CELF4: variants seen among roughly 807,000 people sequenced by gnomAD.
CELF4 encodes CUGBP Elav-like family member 4.
In CELF4, 18 loss-of-function variants were observed where a neutral mutation model predicts 59.9. The observed-to-expected ratio is 0.30, with a 90% CI of 0.21 to 0.45. The LOEUF (loss-of-function observed/expected upper bound fraction) is 0.45, where lower values mean the gene tolerates loss of function less well. Among genes scored for constraint, CELF4 ranks in the 20% least tolerant of loss-of-function variants. The pLI is 1.00. For synonymous variants in CELF4, 261 were observed against 267.1 expected (o/e 0.98, Z 0.22); for missense variants, 456 against 689.0 (o/e 0.66, Z 3.79).
At chr18:37,417,900 T>C (rs766860044) in intron 2 of CELF4, among the ~76,000 whole-genome samples, 9 of 152,182 alleles carry the variant, frequency 5.9e-5, no homozygotes, top group Non-Finnish European at 1.3e-4. Flanking sequence ...TAATGAGTCA[T>C]GTGATTGATA....
At chr18:37,386,944 A>T (rs976232312) in intron 2 of CELF4, among the ~76,000 whole-genome samples, 3 of 152,224 alleles carry the variant, frequency 2.0e-5, no homozygotes, top group Non-Finnish European at 4.4e-5. Context: ...CCTGAAGAAG[A>T]AGCCACTGGC....
At chr18:37,430,259 G>T (rs190531817) in intron 2 of CELF4, among the ~76,000 whole-genome samples, 2 of 152,312 alleles carry the variant, frequency 1.3e-5, no homozygotes, top group Non-Finnish European at 2.9e-5. Context: ...GTCAATGCTG[G>T]TGGAATTGCA....
chr18:37,378,970 A>C (rs911551058), intron 2 of CELF4, among the ~76,000 whole-genome samples: 1 of 152,166 alleles, frequency 6.6e-6, no homozygotes, highest in Non-Finnish European at 1.5e-5. Context: ...CCTTCACCAG[A>C]AGGTCTCCCA....
intron 2 of CELF4, among the ~76,000 whole-genome samples, chr18:37,364,075 A>G (rs560620379): frequency 6.6e-6 from 1 of 152,302 alleles, no homozygotes; most frequent in Admixed American, 6.5e-5. Context: ...TCTTTGTTCT[A>G]TGCAATACCT....
intron 2 of CELF4, among the ~76,000 whole-genome samples, chr18:37,480,007 G>A (rs1046087681): frequency 4.6e-5 from 7 of 152,208 alleles, no homozygotes; most frequent in African/African-American, 1.7e-4. Context: ...GAGAGGCCTG[G>A]AACTGATTCT....
intron 2 of CELF4, among the ~76,000 whole-genome samples, chr18:37,325,235 C>T (rs1423239398): frequency 2.6e-5 from 4 of 152,110 alleles, no homozygotes; most frequent in African/African-American, 9.7e-5. Context: ...ACCCCACATC[C>T]CTAGGGGCCT....
At chr18:37,472,518 G>A (rs1283885163) in intron 2 of CELF4, among the ~76,000 whole-genome samples, 2 of 152,274 alleles carry the variant, frequency 1.3e-5, no homozygotes, top group Non-Finnish European at 2.9e-5. Flanking sequence ...CATTTCCTGT[G>A]TGCAAGAGCA....
intron 2 of CELF4, among the ~76,000 whole-genome samples, chr18:37,351,155 A>G (rs1414359906): frequency 6.7e-6 from 1 of 149,660 alleles, no homozygotes; most frequent in African/African-American, 2.4e-5. Flanking sequence ...CATGCCAGTA[A>G]TTGTCTTGAC....
intron 2 of CELF4, among the ~76,000 whole-genome samples, chr18:37,322,870 C>A (rs569521271): frequency 1.3e-5 from 2 of 152,186 alleles, no homozygotes; most frequent in Non-Finnish European, 2.9e-5. Flanking sequence ...GGTACAAACA[C>A]CCCCATTTTA....
At position 37,274,850 on chromosome 18, in the gene CELF4, C is replaced by T; in HGVS notation, c.612G>A (p.Glu204=). 1 of 1,608,186 alleles carries T rather than the reference C, an allele frequency of 6.2e-7. No individual in the cohort carries two copies. Residue 204 remains glutamate, a synonymous_variant, in exon 5 of 13, where the codon GAG becomes GAA. Transcript: ENST00000420428. The stretch of plus-strand genomic sequence containing the variant: ...GTAGCGCGTTGATGGCGGCCTGCGC[C>T]TCGGCGTGGGAGGAGTACTTCACAA... The part of the protein sequence containing the change: ...CAFVKYSSHA[E]AQAAINALHG...
At chr18:37,397,988 C>T (rs1389390861) in intron 2 of CELF4, among the ~76,000 whole-genome samples, 1 of 152,136 alleles carries the variant, frequency 6.6e-6, no homozygotes, top group Non-Finnish European at 1.5e-5. Flanking sequence ...GATAGGGCTG[C>T]CTCCTCCCTC....
intron 2 of CELF4, among the ~76,000 whole-genome samples, chr18:37,335,321 G>A (rs1482776362): frequency 2.0e-5 from 3 of 152,150 alleles, no homozygotes; most frequent in South Asian, 2.1e-4. Context: ...ATGTGTGTGC[G>A]TGAGGGCTGG....
At chr18:37,496,970 G>T (rs1304624928) in intron 1 of CELF4, among the ~76,000 whole-genome samples, 1 of 152,136 alleles carries the variant, frequency 6.6e-6, no homozygotes, top group Non-Finnish European at 1.5e-5. Context: ...TCTGGGTTTT[G>T]CTCTAGAGGC....
intron 11 of CELF4, among the ~76,000 whole-genome samples, chr18:37,256,229 T>C (rs2069325891): frequency 6.6e-6 from 1 of 152,176 alleles, no homozygotes; most frequent in South Asian, 2.1e-4. Context: ...AATCCCCCTA[T>C]GGTATTCCCC....
intron 2 of CELF4, among the ~76,000 whole-genome samples, chr18:37,344,569 C>A (rs8092258): frequency 0.014 from 2,157 of 152,296 alleles, 62 homozygotes; most frequent in African/African-American, 0.05. Context: ...TGGTCTTTGC[C>A]GAGGTGAGGA....
chr18:37,363,287 C>A (rs1162740598), intron 2 of CELF4, among the ~76,000 whole-genome samples: 1 of 152,102 alleles, frequency 6.6e-6, no homozygotes, highest in Non-Finnish European at 1.5e-5. Context: ...CCCATCAAGG[C>A]AATATTTTCA....
At chr18:37,428,712 G>T (rs542011167) in intron 2 of CELF4, among the ~76,000 whole-genome samples, 1 of 152,298 alleles carries the variant, frequency 6.6e-6, no homozygotes, top group East Asian at 1.9e-4. Context: ...CAGTAGGGTT[G>T]TATGAGGCAG....
At chr18:37,533,025 T>A (rs1183779847) in intron 1 of CELF4, among the ~76,000 whole-genome samples, 2 of 152,244 alleles carry the variant, frequency 1.3e-5, no homozygotes, top group Non-Finnish European at 2.9e-5. Context: ...ATTATCTGGG[T>A]TGTTGCCATT....
chr18:37,426,434 C>T (rs2099613122), intron 2 of CELF4, among the ~76,000 whole-genome samples: 1 of 152,178 alleles, frequency 6.6e-6, no homozygotes, highest in Admixed American at 6.5e-5. Flanking sequence ...TGTCCTGTGA[C>T]AGAGCCTTAC....
Sources: allele counts gnomAD v4.1 joint callset (sites outside exome capture counted in the v4.1 genomes callset), GRCh38; gene constraint gnomAD v4.1.1; transcripts MANE v1.5; gene names NCBI Gene and HGNC (gene_info 2026-07-23, HGNC 2026-07-21).